Variants in TLE4 observed in about 807,000 individuals in gnomAD.
TLE4 encodes the protein TLE family member 4, transcriptional corepressor, also known as transducin-like enhancer protein 4.
A neutral mutation model predicts 92.8 loss-of-function variants in TLE4; 8 were observed. The ratio of observed to expected loss-of-function variants is 0.09; its 90% CI spans 0.05 to 0.16. The LOEUF is 0.16. Among genes scored for constraint, TLE4 ranks in the 10% least tolerant of loss-of-function variants. The pLI is 1.00. For missense variants in TLE4, 675 were observed against 997.6 expected, an observed-to-expected ratio of 0.68 and a Z score of 4.36; for synonymous variants, 371 against 374.1, an observed-to-expected ratio of 0.99 and a Z score of 0.10.
intron 8 of TLE4, among the ~76,000 whole-genome samples, chr9:79,678,175 G>A (rs1315878086): frequency 2.0e-5 from 3 of 151,998 alleles, no homozygotes; most frequent in Non-Finnish European, 4.4e-5. Context: ...AGATGCATAG[G>A]TCCACAGATA....
chr9:79,697,275 A>G (rs2068520408), intron 8 of TLE4, among the ~76,000 whole-genome samples: 1 of 152,172 alleles, frequency 6.6e-6, no homozygotes, highest in Non-Finnish European at 1.5e-5. Context: ...CACAATACAA[A>G]GTTGTATGCA....
chr9:79,652,519 CCTTT>C (rs2059189424), intron 6 of TLE4, 70 bp from the exon 7 acceptor site: 2 of 1,552,162 alleles, frequency 1.3e-6, no homozygotes, highest in Non-Finnish European at 1.8e-6. Flanking sequence ...ATTTATGCCT[CCTTT>C]CTGTTTCTCT....
At position 79,657,914 on chromosome 9, in the gene TLE4, G is replaced by A. The variant is rs1004421059; in HGVS notation, c.609+3839G>A. 2.0e-5 allele frequency among the ~76,000 whole-genome samples: 3 copies of A among 152,134 alleles called. No individual in the cohort carries two copies. The East Asian group carries it at 5.8e-4, about 29-fold the overall frequency. ...CTTTGTAAGTCCTTTTCATGTATCTGCCTGGTTCTCCTGTGTTTTATCCTG... is the reference window on the plus strand; with the variant it reads ...CTTTGTAAGTCCTTTTCATGTATCTACCTGGTTCTCCTGTGTTTTATCCTG... On this transcript the variant is annotated intron_variant, in intron 8 of 19. Transcript: ENST00000376552.
chr9:79,620,754 A>G (rs1209703035), intron 5 of TLE4, among the ~76,000 whole-genome samples: 1 of 152,204 alleles, frequency 6.6e-6, no homozygotes, highest in Non-Finnish European at 1.5e-5. Context: ...GGTAATTTAT[A>G]AAGAAAAGGC....
At chr9:79,635,206 T>C (rs2055409348) in intron 6 of TLE4, among the ~76,000 whole-genome samples, 1 of 152,202 alleles carries the variant, frequency 6.6e-6, no homozygotes, top group Non-Finnish European at 1.5e-5. Context: ...GTGTTTTTTA[T>C]GCATTTTCAT....
intron 8 of TLE4, among the ~76,000 whole-genome samples, chr9:79,666,420 G>A (rs1003156227): frequency 6.6e-6 from 1 of 151,974 alleles, no homozygotes; most frequent in Admixed American, 6.6e-5. Flanking sequence ...GTATTTTTTA[G>A]TAAAGATGTG....
At chr9:79,680,837 G>A (rs1203552533) in intron 8 of TLE4, among the ~76,000 whole-genome samples, 1 of 152,304 alleles carries the variant, frequency 6.6e-6, no homozygotes, top group South Asian at 2.1e-4. Context: ...TTAGCATGAA[G>A]CGTTGTTGAA....
At chr9:79,679,143 G>A (rs1414914667) in intron 8 of TLE4, among the ~76,000 whole-genome samples, 4 of 151,982 alleles carry the variant, frequency 2.6e-5, no homozygotes, top group Admixed American at 2.6e-4. Flanking sequence ...ACCCAGTAAT[G>A]GGATGGCTGG....
chr9:79,628,219 C>T (rs974285913), intron 6 of TLE4, among the ~76,000 whole-genome samples: 3 of 152,040 alleles, frequency 2.0e-5, no homozygotes, highest in African/African-American at 4.8e-5. Flanking sequence ...CAAGCAGTTC[C>T]TTGGGTTATT....
chr9:79,588,419 G>A (rs373222353), intron 4 of TLE4, among the ~76,000 whole-genome samples: 2 of 152,156 alleles, frequency 1.3e-5, no homozygotes, highest in South Asian at 4.1e-4. Context: ...AAAATGCTGG[G>A]ATTACAGGTG....
In TLE4 at chr9:79,725,187, C is replaced by G. The variant is rs979236129; in HGVS notation, c.*43C>G. ...GACTGGACTTCTCCTCCTGGTAGCA[C>G]TTTGCTCTGTCATCCTTTTTGTTCA... On this transcript the variant is annotated 3_prime_UTR_variant, in exon 20 of 20. Coordinates refer to ENST00000376552, the MANE Select transcript of TLE4 (RefSeq NM_007005.6). The G allele has an allele frequency of 5.5e-6, 8 of 1,446,788 alleles. No homozygotes were observed. The African/African-American group carries it at 1.1e-4, about 20-fold the overall frequency. The allele number at this position is 1,446,788 out of a possible 1,614,324, so 89.6% of individuals were successfully genotyped here.
intron 4 of TLE4, among the ~76,000 whole-genome samples, chr9:79,604,500 T>C (rs970361751): frequency 3.9e-5 from 6 of 151,988 alleles, no homozygotes; most frequent in Admixed American, 3.3e-4. Context: ...CTTCAAAGAA[T>C]TGGAATTTTA....
At chr9:79,691,884 G>A (rs1397768873) in intron 8 of TLE4, among the ~76,000 whole-genome samples, 1 of 152,038 alleles carries the variant, frequency 6.6e-6, no homozygotes, top group Non-Finnish European at 1.5e-5. Flanking sequence ...AATGTTATTA[G>A]CAGCTTGTTT....
Position 79,691,645 on chromosome 9 carries a change from C to A in TLE4, c.610-13138C>A, listed in dbSNP as rs553383637. 2.3e-3 allele frequency among the ~76,000 whole-genome samples: 351 copies of A among 152,268 alleles called. 1 individual carries two copies. The highest frequency in any genetic ancestry group is 4.3e-3 in the Non-Finnish European group (294 of 68,024). ...CCCAGTCCTCCTGTGTGCTCCAGTG[C>A]CATTGCCAGCTTTCCGCTTCTTCAG... On this transcript the variant is annotated intron_variant, in intron 8 of 19. Coordinates refer to ENST00000376552, the MANE Select transcript of TLE4 (RefSeq NM_007005.6).
intron 5 of TLE4, among the ~76,000 whole-genome samples, chr9:79,627,017 T>C (rs2052792682): frequency 6.6e-6 from 1 of 152,236 alleles, no homozygotes; most frequent in African/African-American, 2.4e-5. Flanking sequence ...GAAAAGGTAG[T>C]GAGTACAAAG....
chr9:79,679,461 G>A (rs964107973), intron 8 of TLE4, among the ~76,000 whole-genome samples: 1 of 151,974 alleles, frequency 6.6e-6, no homozygotes, highest in Non-Finnish European at 1.5e-5. Flanking sequence ...ACTTGTTGAT[G>A]GGGTTGTTTT....
chr9:79,585,941 C>T (rs1448854705), intron 4 of TLE4, among the ~76,000 whole-genome samples: 1 of 151,904 alleles, frequency 6.6e-6, no homozygotes, highest in African/African-American at 2.4e-5. Context: ...TCTCTTATGG[C>T]CAGCGTTCAG....
At position 79,718,858 on chromosome 9, in the gene TLE4, G is replaced by A; in HGVS notation, c.1477G>A (p.Val493Met). 2.5e-6 allele frequency: 4 copies of A among 1,614,186 alleles called. No individual in the cohort carries two copies. Among genetic ancestry groups the A allele is most frequent in the Non-Finnish European group, 3.4e-6 (4 of 1,180,048 alleles). Residue 493 changes from valine to methionine, a missense_variant, in exon 15 of 20, where the codon GTG (valine) becomes ATG (methionine). Physicochemically the swap from Val to Met is conservative, Grantham distance 21. Transcript: ENST00000376552. ...CAACCACGGGGAGGTGGTGTGCGCG[G>A]TGACCATCAGCAACCCCACGAGACA... is the stretch of plus-strand genomic sequence containing the variant. Reference protein sequence around the residue: ...TLNHGEVVCAVTISNPTRHVY... With the variant: ...TLNHGEVVCAMTISNPTRHVY...
Position 79,606,290 on chromosome 9 carries a change from G to T in TLE4, c.253-6366G>T, listed in dbSNP as rs140541235. Among the ~76,000 whole-genome samples the T allele has an allele frequency of 8.2e-4, 98 of 118,880 alleles. 1 individual carries two copies. The highest frequency in any genetic ancestry group is 5.6e-3 in the Admixed American group (53 of 9,542). 78.0% of individuals were successfully genotyped at this position (118,880 alleles called of 152,430 possible). ...TTACCAACTTGCTAGCTATACTGAC[G>T]ATACCTTTGGTCTAAATCTTTAAGC... On this transcript the variant is annotated intron_variant, in intron 4 of 19. Transcript: ENST00000376552.
Sources: gnomAD v4.1 joint callset for allele counts (sites outside exome capture counted in the v4.1 genomes callset) on GRCh38, gnomAD v4.1.1 for gene constraint, MANE v1.5 for transcripts, NCBI Gene and HGNC (gene_info 2026-07-23, HGNC 2026-07-21) for gene names.